The following CYFIP1 variants were observed in gnomAD, a reference collection of about 807,000 sequenced individuals.
CYFIP1 encodes the protein cytoplasmic FMR1 interacting protein 1.
Under a neutral mutation model 163.5 loss-of-function variants are expected in CYFIP1, and 58 were observed. The ratio of observed to expected loss-of-function variants is 0.35; its 90% CI spans 0.29 to 0.44. The LOEUF (loss-of-function observed/expected upper bound fraction) is 0.44. CYFIP1 is among the 20% of genes least tolerant of loss of function. The pLI is 1.00. For synonymous variants in CYFIP1, 663 were observed against 660.7 expected (o/e 1.00, Z -0.05); for missense variants, 1,338 against 1,653.8 (o/e 0.81, Z 3.31).
chr15:22,911,378 G>C (rs539329841), intron 18 of CYFIP1, among the ~76,000 whole-genome samples: 11 of 152,256 alleles, frequency 7.2e-5, no homozygotes, highest in African/African-American at 2.6e-4. Flanking sequence ...TGTGTGCAGT[G>C]ACCACGAGGA....
chr15:22,964,274 CCACACACACACACACACACACACACA>C (rs60879784), intron 1 of CYFIP1, among the ~76,000 whole-genome samples: 1 of 97,154 alleles, frequency 1.0e-5, no homozygotes, highest in African/African-American at 4.1e-5. Context: ...CTCCTCCTCA[CCACACACACACACACACACACACACA>C]CACACACACA....
chr15:22,967,175 T>G (rs2062941050), intron 1 of CYFIP1, among the ~76,000 whole-genome samples: 1 of 152,208 alleles, frequency 6.6e-6, no homozygotes, highest in Admixed American at 6.5e-5. Context: ...AGTGCTCTCC[T>G]ATCGCCCCTT....
chr15:22,894,795 TAATAC>T (rs1037288025), intron 22 of CYFIP1, among the ~76,000 whole-genome samples: 29 of 148,036 alleles, frequency 2.0e-4, no homozygotes, highest in African/African-American at 6.4e-4. Flanking sequence ...ATACATAACA[TAATAC>T]ATGTATTTAT....
chr15:22,977,647 A>G (rs1749649807), intron 1 of CYFIP1, among the ~76,000 whole-genome samples: 1 of 152,080 alleles, frequency 6.6e-6, no homozygotes, highest in Non-Finnish European at 1.5e-5. Flanking sequence ...CCTGGCCAAC[A>G]TGGCAAAACC....
intron 22 of CYFIP1, among the ~76,000 whole-genome samples, chr15:22,897,646 G>A (rs2060279002): frequency 6.6e-6 from 1 of 152,090 alleles, no homozygotes; most frequent in African/African-American, 2.4e-5. Flanking sequence ...ACCACGCCTG[G>A]CTAATTTTTG....
rs1164880993 is a variant in CYFIP1, at chr15:22,918,872, A to G, written c.1360-14T>C. Reference sequence around the variant, plus strand: ...CATGGCGATCACCTGCGGGGGACACAGCAACAGGGACGGCCCTTCTTAGGG... The same window carrying G: ...CATGGCGATCACCTGCGGGGGACACGGCAACAGGGACGGCCCTTCTTAGGG... On this transcript the variant is annotated splice_polypyrimidine_tract_variant and intron_variant, in intron 13 of 30. Transcript: ENST00000617928. 13 of 1,577,468 alleles carry G rather than the reference A, an allele frequency of 8.2e-6. No homozygotes were observed. Among genetic ancestry groups the G allele is most frequent in the African/African-American group, 2.7e-5 (2 of 73,900 alleles).
intron 22 of CYFIP1, among the ~76,000 whole-genome samples, chr15:22,894,827 T>C (rs867833570): frequency 5.6e-4 from 83 of 147,442 alleles, no homozygotes; most frequent in African/African-American, 1.9e-3. Context: ...TAATTATATA[T>C]ATACATTTAT....
At chr15:22,918,250 C>T (rs1260572912) in intron 14 of CYFIP1, among the ~76,000 whole-genome samples, 5 of 152,164 alleles carry the variant, frequency 3.3e-5, no homozygotes, top group African/African-American at 4.8e-5. Flanking sequence ...AGCCTCCGCA[C>T]GGAGCAGAGC....
At chr15:22,883,150 T>C (rs12441373) in intron 23 of CYFIP1, 139 bp from the exon 24 acceptor site, 19,583 of 936,616 alleles carry the variant, frequency 0.021, 280 homozygotes, top group Non-Finnish European at 0.027. Flanking sequence ...CTACTGCCCT[T>C]AACTGGTACA....
At chr15:22,870,998 G>A (rs1022470552) in intron 30 of CYFIP1, among the ~76,000 whole-genome samples, 2 of 152,182 alleles carry the variant, frequency 1.3e-5, no homozygotes, top group South Asian at 2.1e-4. Context: ...CTCCTCAGGG[G>A]CAGATGCCAA....
At chr15:22,882,050 G>A (rs1432482260) in intron 24 of CYFIP1, 114 bp from the exon 25 acceptor site, 1 of 850,050 alleles carries the variant, frequency 1.2e-6, no homozygotes, top group Non-Finnish European at 1.9e-6. Flanking sequence ...TAACCAGCAA[G>A]GCTGCAGGAT....
rs1422600174 is a variant in CYFIP1 at position 22,917,971 on chromosome 15, G to A, written c.1527-36C>T. ...CACCAAGTGATCAGCAAGGCCCAGAGGCCGAGACCTCCAGCCTCACAATCA... is the reference window on the plus strand; with the variant it reads ...CACCAAGTGATCAGCAAGGCCCAGAAGCCGAGACCTCCAGCCTCACAATCA... On this transcript the variant is annotated intron_variant, in intron 14 of 30. Coordinates refer to ENST00000617928, the MANE Select transcript of CYFIP1 (RefSeq NM_014608.6). The surrounding 1 kb of genome is among the most constrained non-coding windows in gnomAD (Gnocchi z 4.2). The A allele has an allele frequency of 1.3e-6, 2 of 1,599,556 alleles. No homozygotes were observed. The highest frequency in any genetic ancestry group is 1.7e-6 in the Non-Finnish European group (2 of 1,173,014).
chr15:22,938,785 C>T (rs895607362), intron 8 of CYFIP1, among the ~76,000 whole-genome samples: 1 of 151,906 alleles, frequency 6.6e-6, no homozygotes, highest in African/African-American at 2.4e-5. Flanking sequence ...CACCTGTAGT[C>T]CCAGCTACTT....
At chr15:22,879,336 A>G (rs551317609) in intron 26 of CYFIP1, among the ~76,000 whole-genome samples, 1 of 152,228 alleles carries the variant, frequency 6.6e-6, no homozygotes, top group African/African-American at 2.4e-5. Flanking sequence ...TGTGATGTAC[A>G]GGACAGAGGG....
chr15:22,979,930 G>A (rs1159755857), intron 1 of CYFIP1, among the ~76,000 whole-genome samples: 2 of 152,228 alleles, frequency 1.3e-5, no homozygotes, highest in Admixed American at 6.5e-5. Context: ...CGCCACTGGA[G>A]CTGTGCCATG....
chr15:22,932,837 T>C (rs1038393671), intron 10 of CYFIP1, among the ~76,000 whole-genome samples: 7 of 152,260 alleles, frequency 4.6e-5, no homozygotes, highest in Admixed American at 1.3e-4. Flanking sequence ...CAGTCTCTTC[T>C]TTTTTTCTTT....
intron 1 of CYFIP1, among the ~76,000 whole-genome samples, chr15:22,960,999 C>CATTT (rs139765970): frequency 0.031 from 4,615 of 151,280 alleles, 200 homozygotes; most frequent in African/African-American, 0.094. Flanking sequence ...ATTTGTATTT[C>CATTT]ATTTATTTAT....
intron 28 of CYFIP1, 139 bp downstream of exon 28, chr15:22,874,411 C>T (rs1425655762): frequency 5.2e-6 from 3 of 581,492 alleles, no homozygotes; most frequent in Non-Finnish European, 9.0e-6. Context: ...GTGCACACCC[C>T]ACTTGCAACA....
chr15:22,883,593 A>G lies in CYFIP1; in HGVS notation c.2677-582T>C, dbSNP rs193076743. Among the ~76,000 whole-genome samples the G allele has an allele frequency of 9.7e-3, 1,479 of 152,182 alleles. 30 individuals are homozygous for G. The highest frequency in any genetic ancestry group is 0.034 in the Middle Eastern group (10 of 294). ...AGCCCTTTGGGAGGCCGAGGTGGGC[A>G]GATCACAAGGTCAGGAGATGGAGAC... On this transcript the variant is annotated intron_variant, in intron 23 of 30. Transcript: ENST00000617928.
Sources: allele counts gnomAD v4.1 joint callset (sites outside exome capture counted in the v4.1 genomes callset), GRCh38; gene constraint gnomAD v4.1.1; non-coding constraint Gnocchi (gnomAD v3.1); transcripts MANE v1.5; gene names NCBI Gene and HGNC (gene_info 2026-07-23, HGNC 2026-07-21).